Variants in PHACTR3 observed in about 807,000 individuals in gnomAD.
PHACTR3 encodes the protein phosphatase and actin regulator 3, also known as protein phosphatase 1, regulatory subunit 123.
Under a neutral mutation model 66.8 loss-of-function variants are expected in PHACTR3, and 16 were observed. The observed-to-expected ratio is 0.24, with a 90% CI of 0.16 to 0.36. The LOEUF (loss-of-function observed/expected upper bound fraction) is 0.36, where lower values mean the gene tolerates loss of function less well. PHACTR3 is among the 10% of genes least tolerant of loss of function. The pLI, the probability that PHACTR3 is intolerant of heterozygous loss-of-function variation, is 1.00. For synonymous variants in PHACTR3, 323 were observed against 292.1 expected, an observed-to-expected ratio of 1.11 and a Z score of -1.08; for missense variants, 647 against 719.9, an observed-to-expected ratio of 0.90 and a Z score of 1.16.
intron 7 of PHACTR3, among the ~76,000 whole-genome samples, chr20:59,795,618 TTCA>T (rs2041233020): frequency 6.6e-6 from 1 of 152,132 alleles, no homozygotes; most frequent in South Asian, 2.1e-4. Flanking sequence ...AATTTATGTC[TTCA>T]TTTAGATCTA....
intron 8 of PHACTR3, among the ~76,000 whole-genome samples, chr20:59,806,796 C>T (rs1021250520): frequency 6.6e-6 from 1 of 152,214 alleles, no homozygotes; most frequent in African/African-American, 2.4e-5. Context: ...GCGCGGTCTG[C>T]AGCACGCCTG....
intron 1 of PHACTR3, among the ~76,000 whole-genome samples, chr20:59,700,080 C>T (rs2037443423): frequency 6.6e-6 from 1 of 152,192 alleles, no homozygotes; most frequent in African/African-American, 2.4e-5. Flanking sequence ...TTCATGATTT[C>T]TTGTGGATTT....
At chr20:59,699,676 G>A (rs1255442520) in intron 1 of PHACTR3, among the ~76,000 whole-genome samples, 2 of 152,212 alleles carry the variant, frequency 1.3e-5, no homozygotes, top group Non-Finnish European at 2.9e-5. Flanking sequence ...ATAGTGAAAA[G>A]TCTGTGGCCG....
intron 1 of PHACTR3, among the ~76,000 whole-genome samples, chr20:59,699,603 G>A (rs1354909911): frequency 2.0e-5 from 3 of 152,050 alleles, no homozygotes; most frequent in Admixed American, 2.0e-4. Context: ...ACAAAATTAA[G>A]CAGCATGAAA....
At chr20:59,612,166 A>G (rs969962706) in intron 1 of PHACTR3, among the ~76,000 whole-genome samples, 4 of 152,160 alleles carry the variant, frequency 2.6e-5, no homozygotes, top group Non-Finnish European at 5.9e-5. Flanking sequence ...TATTAGTTTG[A>G]GACCTTTTCT....
At position 59,660,365 on chromosome 20, in the gene PHACTR3, A is replaced by G. The variant is rs1479452414; in HGVS notation, c.118+55233A>G. Among the ~76,000 whole-genome samples, 5 of 152,190 alleles carry G rather than the reference A, an allele frequency of 3.3e-5. No individual in the cohort carries two copies. In the South Asian group the frequency reaches 6.2e-4, roughly 19 times the overall value. On this transcript the variant is annotated intron_variant, in intron 1 of 12. Coordinates refer to ENST00000371015, the MANE Select transcript of PHACTR3 (RefSeq NM_080672.5). ...AAAAATTAGCCGGGCATGGTGGCGG[A>G]TGCCTGTAGTCCCAGCTACTCTGGA...
intron 1 of PHACTR3, among the ~76,000 whole-genome samples, chr20:59,722,348 G>A (rs528240884): frequency 6.6e-6 from 1 of 152,316 alleles, no homozygotes; most frequent in East Asian, 1.9e-4. Context: ...GGGGTGAGGA[G>A]TCAGCACTGT....
chr20:59,775,481 A>T (rs1239808487), intron 7 of PHACTR3, among the ~76,000 whole-genome samples: 2 of 151,972 alleles, frequency 1.3e-5, no homozygotes, highest in East Asian at 3.9e-4. Flanking sequence ...GGGTGGATAG[A>T]CCGGCAGCCC....
chr20:59,629,791 C>CGAATGAGTGTCGTGCTTGTCA (rs2034600677), intron 1 of PHACTR3, among the ~76,000 whole-genome samples: 2 of 152,326 alleles, frequency 1.3e-5, no homozygotes, highest in Admixed American at 1.3e-4. Flanking sequence ...TGGGTGGCAC[C>CGAATGAGTGTCGTGCTTGTCA]GAATGAGTGT....
intron 1 of PHACTR3, among the ~76,000 whole-genome samples, chr20:59,662,613 A>G (rs2035849724): frequency 6.6e-6 from 1 of 152,156 alleles, no homozygotes; most frequent in Non-Finnish European, 1.5e-5. Flanking sequence ...CTTAAAACGA[A>G]AGGGAAGAAG....
intron 1 of PHACTR3, among the ~76,000 whole-genome samples, chr20:59,679,727 T>G (rs2036576719): frequency 6.6e-6 from 1 of 152,144 alleles, no homozygotes. Flanking sequence ...AAGGCATGTC[T>G]TACGTGGCAG....
intron 1 of PHACTR3, among the ~76,000 whole-genome samples, chr20:59,716,236 GTGT>G (rs2038087284): frequency 6.6e-6 from 1 of 150,566 alleles, no homozygotes; most frequent in South Asian, 2.1e-4. Context: ...GTGTGTGTGT[GTGT>G]GTGTGTGTGT....
At chr20:59,590,863 T>C (rs2039399803) in intron 1 of PHACTR3, among the ~76,000 whole-genome samples, 1 of 152,130 alleles carries the variant, frequency 6.6e-6, no homozygotes, top group Admixed American at 6.5e-5. Flanking sequence ...CCCTGGACCC[T>C]CTTTTATAAG....
intron 1 of PHACTR3, among the ~76,000 whole-genome samples, chr20:59,664,571 A>C (rs2035922927): frequency 6.6e-6 from 1 of 151,276 alleles, no homozygotes; most frequent in South Asian, 2.1e-4. Flanking sequence ...CTTCTCCTAC[A>C]CCTCCCTTCC....
Position 59,738,994 on chromosome 20 carries a change from G to A in PHACTR3, c.119-4113G>A, listed in dbSNP as rs1188632029. On this transcript the variant is annotated intron_variant, in intron 1 of 12. Transcript: ENST00000371015. This position sits in a 1 kb window ranked among gnomAD's most constrained non-coding sequence, Gnocchi z 4.4. ...CATCTGGTGTCTGTAGGTGGAGGAA[G>A]GAAAGGAGAGGATGAGAACATGGAA... Among the ~76,000 whole-genome samples, 2 of 152,092 alleles carry A rather than the reference G, an allele frequency of 1.3e-5. No homozygotes were observed. Among genetic ancestry groups the A allele is most frequent in the Non-Finnish European group, 2.9e-5 (2 of 68,004 alleles).
chr20:59,684,778 G>A (rs2036795520), intron 1 of PHACTR3, among the ~76,000 whole-genome samples: 2 of 152,194 alleles, frequency 1.3e-5, no homozygotes, highest in South Asian at 4.1e-4. Flanking sequence ...AACTGTGCAG[G>A]CATTTGGGAG....
chr20:59,690,121 C>G (rs1313527774), intron 1 of PHACTR3, among the ~76,000 whole-genome samples: 5 of 152,138 alleles, frequency 3.3e-5, no homozygotes, highest in African/African-American at 9.7e-5. Context: ...ACAAAACACC[C>G]AAATTCCTCA....
chr20:59,597,684 A>G (rs2033362266), intron 1 of PHACTR3, among the ~76,000 whole-genome samples: 2 of 152,254 alleles, frequency 1.3e-5, no homozygotes, highest in Non-Finnish European at 2.9e-5. Context: ...CCCTACTATC[A>G]GAGGCCTATG....
chr20:59,611,712 C>T (rs937226333), intron 1 of PHACTR3, among the ~76,000 whole-genome samples: 29 of 152,200 alleles, frequency 1.9e-4, no homozygotes, highest in African/African-American at 5.8e-4. Flanking sequence ...CCTCCCTCTC[C>T]GGCCCCAGGT....
Sources: allele counts gnomAD v4.1 joint callset (sites outside exome capture counted in the v4.1 genomes callset), GRCh38; gene constraint gnomAD v4.1.1; non-coding constraint Gnocchi (gnomAD v3.1); transcripts MANE v1.5; gene names NCBI Gene and HGNC (gene_info 2026-07-23, HGNC 2026-07-21).